Variants in TECPR1 observed in about 807,000 individuals in gnomAD.
TECPR1 encodes the protein tectonin beta-propeller repeat containing 1, also known as tectonin beta-propeller repeat-containing protein 1.
TECPR1 carries 122 observed loss-of-function variants against 162.4 expected under a neutral mutation model. The observed-to-expected ratio is 0.75, with a 90% CI of 0.65 to 0.87. TECPR1 has a LOEUF of 0.87. TECPR1 is among the 40% of genes least tolerant of loss of function. The pLI, the probability that TECPR1 is intolerant of heterozygous loss-of-function variation, is 0.00. For missense variants in TECPR1, 1,432 were observed against 1,618.2 expected (o/e 0.88, Z 1.97); for synonymous variants, 642 against 670.6 (o/e 0.96, Z 0.66).
At chr7:98,244,460 G>T in intron 5 of TECPR1, 111 bp downstream of exon 5, 1 of 1,411,826 alleles carries the variant, frequency 7.1e-7, no homozygotes, top group Non-Finnish European at 9.6e-7. Flanking sequence ...AGGTCCCGAG[G>T]TGGGCGTGGT....
rs1045737507 is a variant in TECPR1, at chr7:98,233,473, G to T, written c.1620C>A (p.Gly540=). 3 of 1,480,742 alleles carry T rather than the reference G, an allele frequency of 2.0e-6. No individual in the cohort carries two copies. The highest frequency in any genetic ancestry group is 2.6e-5 in the Admixed American group (1 of 37,890). The allele number at this position is 1,480,742 out of a possible 1,614,324, so 91.7% of individuals were successfully genotyped here. Residue 540 remains glycine, a synonymous_variant, in exon 11 of 26, where the codon GGC becomes GGA. Transcript: ENST00000447648. ...DHPLWAWVSG[G]GCVVEACAMP... The stretch of plus-strand genomic sequence containing the variant: ...TGGCACATGCCTCCACCACGCAGCC[G>T]CCTCCCGACACCCAGGCCCACAGCG...
intron 25 of TECPR1, 68 bp downstream of exon 25, chr7:98,217,624 G>T (rs116762009): frequency 6.6e-7 from 1 of 1,520,034 alleles, no homozygotes; most frequent in Non-Finnish European, 8.8e-7. Context: ...CACAGTGGTC[G>T]TCCCGTCTTC....
Position 98,221,739 on chromosome 7 carries a change from G to C in TECPR1, c.3079C>G (p.His1027Asp). The change falls in exon 23 of 26, where the codon CAC (histidine) becomes GAC (aspartate). Residue 1027 changes from histidine (H) to aspartate (D), a missense_variant. Physicochemically the swap from His to Asp is moderately conservative, Grantham distance 81 (BLOSUM62 -1). Coordinates refer to ENST00000447648, the MANE Select transcript of TECPR1 (RefSeq NM_015395.3). ...PSQPAGDCWY[H>D]IPSPPRQRLK... ...CTCTGTCTCGGTGGGGACGGGATGT[G>C]GTACCAGCAGTCACCTGCGAAGGGG... 1 of 1,608,110 alleles carries C rather than the reference G, an allele frequency of 6.2e-7. No homozygotes were observed. Among genetic ancestry groups the C allele is most frequent in the Non-Finnish European group, 8.5e-7 (1 of 1,177,702 alleles).
rs543717476 is a variant in TECPR1 at position 98,219,380 on chromosome 7, T to C, written c.3158-1338A>G. On this transcript the variant is annotated intron_variant, in intron 23 of 25. Transcript: ENST00000447648. ...AAAGCAAATGCAACAAAAACAAAAA[T>C]AAAGGAGCCCTAATTAAACTAAAAA... Among the ~76,000 whole-genome samples the C allele has an allele frequency of 2.7e-4, 41 of 151,856 alleles. 1 individual carries two copies. The highest frequency in any genetic ancestry group is 9.7e-4 in the African/African-American group (40 of 41,410).
chr7:98,235,539 AAG>A (rs1798573239), intron 10 of TECPR1, among the ~76,000 whole-genome samples: 1 of 147,804 alleles, frequency 6.8e-6, no homozygotes, highest in Non-Finnish European at 1.5e-5. Context: ...AAAAAAAAAA[AAG>A]AACTACCAGC....
chr7:98,217,078 T>C lies in TECPR1; in HGVS notation c.*312A>G, dbSNP rs1798029353. ...CCGGAGGGCTCCAGGTTCCCGGTTC[T>C]AGTCCTGGAAAGGCAGAAGGGAGAG... On this transcript the variant is annotated 3_prime_UTR_variant, in exon 26 of 26. Transcript: ENST00000447648. 3.4e-6 allele frequency: 1 copy of C among 295,110 alleles called. No homozygotes were observed. The highest frequency in any genetic ancestry group is 4.6e-5 in the Admixed American group (1 of 21,848). 18.3% of individuals were successfully genotyped at this position (295,110 alleles called of 1,614,324 possible). A position where few individuals can be genotyped will look rare whatever the true frequency, so the allele number is the denominator to read the frequency against.
chr7:98,216,400 G>C lies in TECPR1; in HGVS notation c.*990C>G, dbSNP rs1798008230. The C allele has an allele frequency of 2.0e-5, 3 of 152,276 alleles. No homozygotes were observed. The highest frequency in any genetic ancestry group is 2.0e-4 in the Admixed American group (3 of 15,274). 9.4% of individuals were successfully genotyped at this position (152,276 alleles called of 1,614,324 possible). A position where few individuals can be genotyped will look rare whatever the true frequency, so the allele number is the denominator to read the frequency against. ...GCGCATCTGGGGAAGGGGCCGAATG[G>C]GGGTTGATGATGGTGACTGCACACA... is the stretch of plus-strand genomic sequence containing the variant. On this transcript the variant is annotated 3_prime_UTR_variant, in exon 26 of 26. Transcript: ENST00000447648.
intron 15 of TECPR1, 80 bp downstream of exon 15, chr7:98,230,881 T>G (rs905467677): frequency 5.9e-6 from 9 of 1,523,518 alleles, no homozygotes; most frequent in Non-Finnish European, 7.9e-6. Flanking sequence ...TGGACTCCAG[T>G]CCTCTGGATC....
At chr7:98,237,003 G>T in intron 9 of TECPR1, 82 bp from the exon 10 acceptor site, 1 of 1,407,742 alleles carries the variant, frequency 7.1e-7, no homozygotes, top group Non-Finnish European at 9.4e-7. Flanking sequence ...CAAAATGCAG[G>T]CAGGGTCCTC....
In TECPR1 at chr7:98,223,718, G is replaced by GGGT; in HGVS notation, c.2691-1_2691insACC (p.Ala897_Ser898insPro). On this transcript the variant is annotated inframe_insertion and splice_region_variant. Transcript: ENST00000447648. ...TCATCGTTTTGGACCCATGGTATGA[G>GGGT]CTGCAAGGAGGAAGAAGATGAAATC... is the stretch of plus-strand genomic sequence containing the variant. 6.2e-7 allele frequency: 1 copy of GGGT among 1,613,748 alleles called. No homozygotes were observed. The highest frequency in any genetic ancestry group is 8.5e-7 in the Non-Finnish European group (1 of 1,179,776).
intron 22 of TECPR1, 130 bp downstream of exon 22, chr7:98,222,256 T>C: frequency 7.5e-7 from 1 of 1,329,816 alleles, no homozygotes; most frequent in Non-Finnish European, 1.0e-6. Context: ...TCAGTCCCAG[T>C]GGGAGGGGGA....
Position 98,223,662 on chromosome 7 carries a change from C to A in TECPR1, c.2747G>T (p.Arg916Ile). Residue 916 changes from arginine (R) to isoleucine (I), a missense_variant and splice_region_variant, in exon 20 of 26, where the codon AGA becomes ATA. Arg to Ile is a moderately conservative substitution (Grantham distance 97, BLOSUM62 -3). Transcript: ENST00000447648. ...CAGTCACCCTGCAGCCCTGCCTCAC[C>A]TGGCCCAGCACCTCCTCCTCACAAA... Reference protein sequence around the residue: ...KDFVRRRCWARKCKLVTSGPW... With the variant: ...KDFVRRRCWAIKCKLVTSGPW... The A allele has an allele frequency of 6.2e-7, 1 of 1,613,738 alleles. No individual in the cohort carries two copies. Among genetic ancestry groups the A allele is most frequent in the South Asian group, 1.1e-5 (1 of 91,082 alleles).
intron 10 of TECPR1, among the ~76,000 whole-genome samples, chr7:98,235,529 A>AAG (rs1382485419): frequency 1.3e-5 from 2 of 149,120 alleles, no homozygotes; most frequent in African/African-American, 4.9e-5. Context: ...CGTCTAAAAA[A>AAG]AAAAAAAAAA....
chr7:98,239,991 C>A (rs1462321807), intron 8 of TECPR1, among the ~76,000 whole-genome samples: 3 of 151,912 alleles, frequency 2.0e-5, no homozygotes, highest in Non-Finnish European at 2.9e-5. Flanking sequence ...GCGCCTGTAG[C>A]CCCGCTACGA....
chr7:98,236,713 A>C, intron 10 of TECPR1, 63 bp downstream of exon 10: 1 of 1,546,866 alleles, frequency 6.5e-7, no homozygotes, highest in Non-Finnish European at 8.7e-7. Context: ...TCTGGACATG[A>C]CCACCTAGGC....
intron 13 of TECPR1, 74 bp from the exon 14 acceptor site, chr7:98,231,447 C>A (rs1798433322): frequency 1.3e-6 from 2 of 1,483,502 alleles, no homozygotes; most frequent in African/African-American, 2.8e-5. Context: ...CCCCACTGTG[C>A]TTCACCCTGG....
At chr7:98,228,235 C>T (rs1460053757) in intron 16 of TECPR1, 119 bp from the exon 17 acceptor site, 15 of 775,124 alleles carry the variant, frequency 1.9e-5, no homozygotes, top group Non-Finnish European at 3.1e-5. Context: ...GCCAGGTCAG[C>T]GGAGAGGAGC....
intron 6 of TECPR1, 103 bp downstream of exon 6, chr7:98,243,364 G>A (rs1049151650): frequency 1.4e-6 from 2 of 1,468,444 alleles, no homozygotes; most frequent in Non-Finnish European, 1.8e-6. Flanking sequence ...GGGGTGGGGG[G>A]GCCGGGGCTC....
chr7:98,220,504 G>A (rs553715214), intron 23 of TECPR1, among the ~76,000 whole-genome samples: 15 of 148,766 alleles, frequency 1.0e-4, no homozygotes, highest in African/African-American at 3.2e-4. Context: ...AGGTTCAAGC[G>A]ATTCTCCTGC....
Sources: gnomAD v4.1 joint callset for allele counts (sites outside exome capture counted in the v4.1 genomes callset) on GRCh38, gnomAD v4.1.1 for gene constraint, MANE v1.5 for transcripts, NCBI Gene and HGNC (gene_info 2026-07-23, HGNC 2026-07-21) for gene names.